Variants in WDR19 observed in about 807,000 individuals in gnomAD.
The protein encoded by WDR19 is WD repeat-containing protein 19.
In WDR19, 121 loss-of-function variants were observed where a neutral mutation model predicts 180.0. The ratio of observed to expected loss-of-function variants is 0.67; its 90% CI spans 0.58 to 0.78. The LOEUF (loss-of-function observed/expected upper bound fraction) is 0.78. Ranked by LOEUF, WDR19 falls within the 30% of genes least tolerant of loss-of-function variation. The pLI, the probability that WDR19 is intolerant of heterozygous loss-of-function variation, is 0.00. For synonymous variants in WDR19, 497 were observed against 540.7 expected (o/e 0.92, Z 1.12); for missense variants, 1,450 against 1,640.7 (o/e 0.88, Z 2.01).
At chr4:39,261,652 T>C (rs1171237593) in intron 28 of WDR19, among the ~76,000 whole-genome samples, 1 of 152,210 alleles carries the variant, frequency 6.6e-6, no homozygotes, top group Admixed American at 6.5e-5. Context: ...TGTTAAGACA[T>C]GGAATTTCCA....
At chr4:39,195,289 C>A (rs957307416) in intron 5 of WDR19, among the ~76,000 whole-genome samples, 2 of 150,774 alleles carry the variant, frequency 1.3e-5, no homozygotes, top group Non-Finnish European at 2.9e-5. Context: ...ATCACTTGAA[C>A]TCGGAGGGTG....
At chr4:39,222,010 C>G (rs1249500566) in intron 14 of WDR19, among the ~76,000 whole-genome samples, 2 of 152,166 alleles carry the variant, frequency 1.3e-5, no homozygotes, top group Non-Finnish European at 2.9e-5. Context: ...AAACTGTTCT[C>G]TAAATCGGTT....
At chr4:39,257,423 G>A (rs1289043326) in intron 27 of WDR19, 63 bp from the exon 28 acceptor site, 6 of 1,447,630 alleles carry the variant, frequency 4.1e-6, no homozygotes, top group African/African-American at 1.4e-5. Context: ...CTGTGTGAAA[G>A]CTTTGTTTTC....
chr4:39,284,331 ATTTTTTTTT>A (rs143848496), intron 36 of WDR19, among the ~76,000 whole-genome samples: 9 of 91,530 alleles, frequency 9.8e-5, no homozygotes, highest in Admixed American at 3.0e-4. Flanking sequence ...AGTAAAAAAA[ATTTTTTTTT>A]TTTTTTTTTT....
rs773922343 is a variant in WDR19 at position 39,278,127 on chromosome 4, C to G, written c.3841-4C>G. ...AATTTAACTCTTAAACATCCTGTTT[C>G]CAGGGTCGACACATGTTGAAAGATG... On this transcript the variant is annotated splice_polypyrimidine_tract_variant and splice_region_variant and intron_variant, in intron 34 of 36. Coordinates refer to ENST00000399820, the MANE Select transcript of WDR19 (RefSeq NM_025132.4). 16 of 1,598,050 alleles carry G rather than the reference C, an allele frequency of 1.0e-5. No homozygotes were observed. The highest frequency in any genetic ancestry group is 1.3e-5 in the Non-Finnish European group (15 of 1,171,944).
intron 36 of WDR19, among the ~76,000 whole-genome samples, chr4:39,279,594 C>G (rs545594828): frequency 6.6e-6 from 1 of 152,312 alleles, no homozygotes; most frequent in South Asian, 2.1e-4. Context: ...CCTGGCCACT[C>G]CAAAATGTTT....
chr4:39,208,340 T>C (rs1172513867), intron 9 of WDR19, among the ~76,000 whole-genome samples: 2 of 140,132 alleles, frequency 1.4e-5, no homozygotes, highest in Non-Finnish European at 3.0e-5. Context: ...AGAGTCTCAC[T>C]CTGTTGCCCA....
chr4:39,251,616 A>G (rs1733194833), intron 24 of WDR19, among the ~76,000 whole-genome samples: 1 of 152,244 alleles, frequency 6.6e-6, no homozygotes, highest in African/African-American at 2.4e-5. Flanking sequence ...TACTCATCTG[A>G]CAAAGGGCTA....
At chr4:39,242,505 GT>G (rs1458760439) in intron 21 of WDR19, among the ~76,000 whole-genome samples, 1 of 152,080 alleles carries the variant, frequency 6.6e-6, no homozygotes, top group Non-Finnish European at 1.5e-5. Flanking sequence ...CTGAAGTATA[GT>G]TGTGGGGTTT....
intron 36 of WDR19, among the ~76,000 whole-genome samples, chr4:39,280,112 T>C (rs1477603268): frequency 1.7e-5 from 2 of 119,304 alleles, no homozygotes; most frequent in Non-Finnish European, 3.5e-5. Flanking sequence ...TTTTTTTCCC[T>C]TTTCTTGTTT....
intron 3 of WDR19, among the ~76,000 whole-genome samples, chr4:39,187,402 A>G (rs1292100415): frequency 1.3e-5 from 2 of 149,760 alleles, no homozygotes; most frequent in African/African-American, 2.5e-5. Context: ...CCTGGGTGAC[A>G]GAACGAGACT....
At chr4:39,201,063 T>A (rs13124471) in intron 6 of WDR19, among the ~76,000 whole-genome samples, 183 of 152,088 alleles carry the variant, frequency 1.2e-3, no homozygotes, top group Non-Finnish European at 2.1e-3. Context: ...AAGAATATGA[T>A]AGTATGGGTT....
chr4:39,218,242 A>G, intron 14 of WDR19, 137 bp downstream of exon 14: 4 of 1,085,924 alleles, frequency 3.7e-6, no homozygotes, highest in Non-Finnish European at 5.3e-6. Context: ...GTGATTAATT[A>G]TATACATTCA....
At chr4:39,236,304 C>T (rs1731373182) in intron 20 of WDR19, among the ~76,000 whole-genome samples, 1 of 152,142 alleles carries the variant, frequency 6.6e-6, no homozygotes. Flanking sequence ...CAGACACACA[C>T]ACCATAGAAT....
Position 39,198,955 on chromosome 4 carries a change from G to A in WDR19, c.407-523G>A, listed in dbSNP as rs147440600. On this transcript the variant is annotated intron_variant, in intron 5 of 36. Coordinates refer to ENST00000399820, the MANE Select transcript of WDR19 (RefSeq NM_025132.4). The stretch of plus-strand genomic sequence containing the variant: ...AAAGGTTGCAATGAGCCAAGATCAC[G>A]CCACTGTACTCCAGCCTGGGCAAGA... 4.7e-3 allele frequency among the ~76,000 whole-genome samples: 709 copies of A among 150,512 alleles called. 6 individuals carry two copies. The highest frequency in any genetic ancestry group is 0.016 in the African/African-American group (664 of 40,824).
At chr4:39,233,483 G>C (rs1007698264) in intron 19 of WDR19, among the ~76,000 whole-genome samples, 1 of 152,046 alleles carries the variant, frequency 6.6e-6, no homozygotes, top group Non-Finnish European at 1.5e-5. Flanking sequence ...ATGAGAATGA[G>C]GTCTTTTAGC....
At chr4:39,281,226 T>TGTAGAGAGAG in intron 36 of WDR19, among the ~76,000 whole-genome samples, 1 of 102,160 alleles carries the variant, frequency 9.8e-6, no homozygotes, top group South Asian at 3.0e-4. Context: ...TATATATATA[T>TGTAGAGAGAG]ATATATATAT....
At position 39,253,017 on chromosome 4, in the gene WDR19, G is replaced by A. The variant is rs55817100; in HGVS notation, c.2730-129G>A. 0.1 allele frequency: 89,572 copies of A among 874,466 alleles called. 5,128 individuals carry two copies. The highest frequency in any genetic ancestry group is 0.18 in the East Asian group (6,324 of 35,102). 54.2% of individuals were successfully genotyped at this position (874,466 alleles called of 1,614,324 possible). On this transcript the variant is annotated intron_variant, in intron 24 of 36. Transcript: ENST00000399820. ...TGGTTCCTGGTATTTTTCTGATAAA[G>A]GAAAAAGAAGTTCAGGAAAAATAAG...
At chr4:39,183,166 C>G (rs537199574) in intron 1 of WDR19, among the ~76,000 whole-genome samples, 3 of 150,322 alleles carry the variant, frequency 2.0e-5, no homozygotes, top group Non-Finnish European at 4.4e-5. Context: ...CGCACGGTTT[C>G]TAGGCTTGGG....
Sources: gnomAD v4.1 joint callset for allele counts (sites outside exome capture counted in the v4.1 genomes callset) on GRCh38, gnomAD v4.1.1 for gene constraint, MANE v1.5 for transcripts, NCBI Gene and HGNC (gene_info 2026-07-23, HGNC 2026-07-21) for gene names.